PAWR: variants seen among roughly 807,000 people sequenced by gnomAD.
The protein encoded by PAWR is PRKC apoptosis WT1 regulator protein.
A neutral mutation model predicts 32.0 loss-of-function variants in PAWR; 23 were observed. That is an observed-to-expected ratio of 0.72 (90% CI 0.52 to 1.02). PAWR has a LOEUF of 1.02. Ranked by LOEUF, PAWR falls within the 50% of genes least tolerant of loss-of-function variation. The pLI is 0.00. For missense variants in PAWR, 457 were observed against 437.7 expected (o/e 1.04, Z -0.39); for synonymous variants, 226 against 187.1 (o/e 1.21, Z -1.70).
intron 4 of PAWR, chr12:79,603,729 G>A (rs766328534): frequency 3.6e-5 from 5 of 137,820 alleles, no homozygotes; most frequent in African/African-American, 5.5e-5. Context: ...CCAGGCTGGA[G>A]TGCAATGCCA....
chr12:79,608,369 C>T (rs1377076687), intron 4 of PAWR, among the ~76,000 whole-genome samples: 1 of 152,172 alleles, frequency 6.6e-6, no homozygotes, highest in Non-Finnish European at 1.5e-5. Context: ...ATTAGATTCT[C>T]ATAAAGGAGC....
intron 2 of PAWR, among the ~76,000 whole-genome samples, chr12:79,653,907 T>G (rs1338344690): frequency 6.6e-6 from 1 of 152,246 alleles, no homozygotes; most frequent in Non-Finnish European, 1.5e-5. Context: ...ATCCTGCAAC[T>G]TTTAGTTGAG....
chr12:79,632,308 C>CATATATATATAT lies in PAWR; in HGVS notation c.517-11102_517-11101insATATATATATAT, dbSNP rs1566010872. ...ATAGAAATATATACATATATATATA[C>CATATATATATAT]ATACATATATATATATATATATATA... is the stretch of plus-strand genomic sequence containing the variant. On this transcript the variant is annotated intron_variant, in intron 2 of 6. Transcript: ENST00000328827. 214 of 25,166 alleles carry CATATATATATAT rather than the reference C, an allele frequency of 8.5e-3. 22 individuals carry two copies. Among genetic ancestry groups the CATATATATATAT allele is most frequent in the African/African-American group, 0.05 (166 of 3,290 alleles). 1.6% of individuals were successfully genotyped at this position (25,166 alleles called of 1,614,324 possible).
intron 2 of PAWR, among the ~76,000 whole-genome samples, chr12:79,685,705 G>A (rs1312725870): frequency 1.3e-5 from 2 of 152,136 alleles, no homozygotes; most frequent in African/African-American, 4.8e-5. Flanking sequence ...GGCAATCTCT[G>A]AGTCCACAAA....
Position 79,611,939 on chromosome 12 carries a change from T to C in PAWR, c.683+1636A>G, listed in dbSNP as rs1310324501. On this transcript the variant is annotated intron_variant, in intron 4 of 6. Coordinates refer to ENST00000328827, the MANE Select transcript of PAWR (RefSeq NM_002583.4). ...CTTGATTCTAATTAAAGAACACAAA[T>C]TTGAAAAGTGTCATTCGTACTTTAA... Among the ~76,000 whole-genome samples the C allele has an allele frequency of 2.0e-5, 3 of 152,248 alleles. No homozygotes were observed. In the East Asian group the frequency reaches 5.8e-4, roughly 29 times the overall value.
At chr12:79,611,297 T>C (rs1874431574) in intron 4 of PAWR, among the ~76,000 whole-genome samples, 1 of 147,470 alleles carries the variant, frequency 6.8e-6, no homozygotes, top group Admixed American at 6.8e-5. Context: ...ATATATATAA[T>C]TTCTTGGAAG....
At position 79,596,608 on chromosome 12, in the gene PAWR, T is replaced by C; in HGVS notation, c.734A>G (p.Asp245Gly). 6.2e-7 allele frequency: 1 copy of C among 1,600,444 alleles called. No homozygotes were observed. Among genetic ancestry groups the C allele is most frequent in the Non-Finnish European group, 8.6e-7 (1 of 1,169,506 alleles). Reference sequence around the variant, plus strand: ...GTTATATCTAGGGAACCCACTTCTATCTGTTCGAGAATATCTACTTGAGAC... The same window carrying C: ...GTTATATCTAGGGAACCCACTTCTACCTGTTCGAGAATATCTACTTGAGAC... ...EDVSSRYSRT[D>G]RSGFPRYNRD... Residue 245 changes from aspartate to glycine, a missense_variant, in exon 5 of 7, where the codon GAT becomes GGT. Physicochemically the swap from Asp to Gly is moderately conservative, Grantham distance 94. Transcript: ENST00000328827.
At chr12:79,638,865 T>TATATATATAC (rs1415348770) in intron 2 of PAWR, among the ~76,000 whole-genome samples, 1 of 4,164 alleles carries the variant, frequency 2.4e-4, no homozygotes, top group African/African-American at 1.2e-3. Context: ...GATGGAGTCA[T>TATATATATAC]ATATATATAT....
rs1284103926 is a variant in PAWR, at chr12:79,667,695, A to G, written c.516+22034T>C. ...TTTACATGTAATAGTGGAATGGAGT[A>G]ATCTTTTAAAAATAAGAGTCCTTAT... On this transcript the variant is annotated intron_variant, in intron 2 of 6. Coordinates refer to ENST00000328827, the MANE Select transcript of PAWR (RefSeq NM_002583.4). 2.0e-5 allele frequency among the ~76,000 whole-genome samples: 3 copies of G among 152,336 alleles called. No individual in the cohort carries two copies. In the East Asian group the frequency reaches 5.8e-4, roughly 29 times the overall value.
chr12:79,636,880 A>G (rs1284044270), intron 2 of PAWR, among the ~76,000 whole-genome samples: 1 of 152,118 alleles, frequency 6.6e-6, no homozygotes, highest in African/African-American at 2.4e-5. Context: ...TTAAGAATCC[A>G]CACAAATTTC....
chr12:79,635,267 T>C (rs566628554), intron 2 of PAWR, among the ~76,000 whole-genome samples: 1 of 152,254 alleles, frequency 6.6e-6, no homozygotes, highest in African/African-American at 2.4e-5. Flanking sequence ...AGTATGTCTC[T>C]GGGGCAAGTC....
chr12:79,627,346 A>T (rs1391538474), intron 2 of PAWR, among the ~76,000 whole-genome samples: 1 of 152,098 alleles, frequency 6.6e-6, no homozygotes, highest in Admixed American at 6.5e-5. Context: ...GCCAGTGATG[A>T]TGAGCATTTT....
intron 2 of PAWR, among the ~76,000 whole-genome samples, chr12:79,673,282 G>A (rs1042518978): frequency 6.6e-6 from 1 of 151,974 alleles, no homozygotes; most frequent in Non-Finnish European, 1.5e-5. Flanking sequence ...TGTTAGCCAG[G>A]ATGGTCTTGA....
At chr12:79,621,021 T>A (rs893533464) in intron 3 of PAWR, 55 bp downstream of exon 3, 6 of 1,362,174 alleles carry the variant, frequency 4.4e-6, no homozygotes, top group Non-Finnish European at 6.1e-6. Flanking sequence ...AGAGGCATAA[T>A]TGAAAAATTG....
At chr12:79,603,245 T>C (rs919558523) in intron 4 of PAWR, among the ~76,000 whole-genome samples, 2 of 151,784 alleles carry the variant, frequency 1.3e-5, no homozygotes, top group Non-Finnish European at 2.9e-5. Flanking sequence ...GGTGAAACCC[T>C]GTAAAAAGAA....
At chr12:79,663,770 C>CAAA (rs1044395007) in intron 2 of PAWR, among the ~76,000 whole-genome samples, 3 of 138,828 alleles carry the variant, frequency 2.2e-5, no homozygotes, top group African/African-American at 7.9e-5. Flanking sequence ...CAAACAAAAC[C>CAAA]AAAAAAAAAA....
chr12:79,589,500 C>G lies in PAWR; in HGVS notation c.*3107G>C, dbSNP rs1364741803. On this transcript the variant is annotated 3_prime_UTR_variant, in exon 7 of 7. Coordinates refer to ENST00000328827, the MANE Select transcript of PAWR (RefSeq NM_002583.4). ...GAAAAAAAAAAACTACATTGCTCCA[C>G]ATACCTGATACTTAATTTTCTATGT... 6.6e-6 allele frequency: 1 copy of G among 151,860 alleles called. No individual in the cohort carries two copies. The highest frequency in any genetic ancestry group is 1.5e-5 in the Non-Finnish European group (1 of 67,960). 9.4% of individuals were successfully genotyped at this position (151,860 alleles called of 1,614,324 possible).
At chr12:79,628,892 G>C (rs1875472818) in intron 2 of PAWR, among the ~76,000 whole-genome samples, 1 of 152,060 alleles carries the variant, frequency 6.6e-6, no homozygotes, top group African/African-American at 2.4e-5. Flanking sequence ...GTATACCAGT[G>C]TAAGATTCTT....
intron 2 of PAWR, among the ~76,000 whole-genome samples, chr12:79,634,266 G>A (rs1181254231): frequency 1.3e-5 from 2 of 151,994 alleles, no homozygotes; most frequent in African/African-American, 4.8e-5. Context: ...TGAATGATAA[G>A]GATACATTTA....
Sources: allele counts gnomAD v4.1 joint callset (sites outside exome capture counted in the v4.1 genomes callset), GRCh38; gene constraint gnomAD v4.1.1; transcripts MANE v1.5; gene names NCBI Gene and HGNC (gene_info 2026-07-23, HGNC 2026-07-21).